GMPS: variants seen among roughly 807,000 people sequenced by gnomAD.
GMPS encodes GMP synthase [glutamine-hydrolyzing].
Under a neutral mutation model 77.9 loss-of-function variants are expected in GMPS, and 15 were observed. The observed-to-expected ratio is 0.19, with a 90% CI of 0.13 to 0.30. The LOEUF (loss-of-function observed/expected upper bound fraction) is 0.30, where lower values mean the gene tolerates loss of function less well. Among genes scored for constraint, GMPS ranks in the 10% least tolerant of loss-of-function variants. The pLI is 1.00. For synonymous variants in GMPS, 224 were observed against 275.9 expected, an observed-to-expected ratio of 0.81 and a Z score of 1.86; for missense variants, 590 against 838.8, an observed-to-expected ratio of 0.70 and a Z score of 3.66.
chr3:155,886,248 A>G (rs1406255836), intron 1 of GMPS, among the ~76,000 whole-genome samples: 2 of 151,952 alleles, frequency 1.3e-5, no homozygotes, highest in African/African-American at 4.8e-5. Flanking sequence ...CAGAATACAT[A>G]GAGAAATGGC....
At chr3:155,879,265 C>CTTTTTT (rs370727242) in intron 1 of GMPS, among the ~76,000 whole-genome samples, 8 of 122,614 alleles carry the variant, frequency 6.5e-5, no homozygotes, top group African/African-American at 9.0e-5. Flanking sequence ...CTGCACTTGT[C>CTTTTTT]TTTTTTTTTT....
In GMPS at chr3:155,939,241, G is replaced by C. The variant is rs1379629704; in HGVS notation, c.*1549G>C. 2 of 219,330 alleles carry C rather than the reference G, an allele frequency of 9.1e-6. No individual in the cohort carries two copies. The highest frequency in any genetic ancestry group is 9.1e-6 in the Non-Finnish European group (1 of 109,396). 13.6% of individuals were successfully genotyped at this position (219,330 alleles called of 1,614,324 possible). ...ACTCATTATGGCCTTCTGGAAAGAG[G>C]CTATGTTAGTGATCTGGTCTTTACA... On this transcript the variant is annotated 3_prime_UTR_variant, in exon 16 of 16. Coordinates refer to ENST00000496455, the MANE Select transcript of GMPS (RefSeq NM_003875.3).
intron 1 of GMPS, 32 bp from the exon 2 acceptor site, chr3:155,893,486 T>C: frequency 6.8e-7 from 1 of 1,465,440 alleles, no homozygotes; most frequent in Non-Finnish European, 9.3e-7. Flanking sequence ...ATTTTCATAA[T>C]TAAGACTTTG....
chr3:155,891,246 A>T (rs1460206013), intron 1 of GMPS, among the ~76,000 whole-genome samples: 1 of 152,224 alleles, frequency 6.6e-6, no homozygotes, highest in Non-Finnish European at 1.5e-5. Flanking sequence ...CAAGGCAGGA[A>T]CTCTGCCTGT....
At chr3:155,905,157 G>C (rs1487878160) in intron 4 of GMPS, among the ~76,000 whole-genome samples, 1 of 151,948 alleles carries the variant, frequency 6.6e-6, no homozygotes, top group Admixed American at 6.6e-5. Flanking sequence ...AAGTAAGTGG[G>C]ATTACAGGCA....
intron 1 of GMPS, among the ~76,000 whole-genome samples, chr3:155,884,187 A>G (rs1754275967): frequency 6.6e-6 from 1 of 151,554 alleles, no homozygotes; most frequent in Admixed American, 6.6e-5. Context: ...GGAGTTCAAG[A>G]CCAACCTGGC....
At chr3:155,932,307 C>T (rs978660928) in intron 13 of GMPS, among the ~76,000 whole-genome samples, 10 of 151,910 alleles carry the variant, frequency 6.6e-5, no homozygotes, top group African/African-American at 2.2e-4. Context: ...CACACACACA[C>T]ACACACACCC....
rs374919444 is a variant in GMPS, at chr3:155,930,906, C to T, written c.1561-859C>T. ...GCATGATCACTGCTCACGATAGCCT[C>T]GACCTCGTTGGGCTCAGGTGATCCT... On this transcript the variant is annotated intron_variant, in intron 12 of 15. Transcript: ENST00000496455. Among the ~76,000 whole-genome samples, 44 of 152,236 alleles carry T rather than the reference C, an allele frequency of 2.9e-4. No homozygotes were observed. In the East Asian group the frequency reaches 7.4e-3, roughly 25 times the overall value.
At chr3:155,923,027 TATAGAA>T (rs1216891748) in intron 11 of GMPS, among the ~76,000 whole-genome samples, 8 of 151,968 alleles carry the variant, frequency 5.3e-5, no homozygotes, top group African/African-American at 1.9e-4. Flanking sequence ...ACAAATCACA[TATAGAA>T]GTATGGCACC....
At chr3:155,879,503 G>C (rs956584705) in intron 1 of GMPS, among the ~76,000 whole-genome samples, 22 of 151,910 alleles carry the variant, frequency 1.4e-4, no homozygotes, top group Non-Finnish European at 2.4e-4. Context: ...CTGATCTCAG[G>C]TGATCTGCCT....
At position 155,937,581 on chromosome 3, in the gene GMPS, T is replaced by G; in HGVS notation, c.1981-10T>G. 1.7e-6 allele frequency: 2 copies of G among 1,188,838 alleles called. No homozygotes were observed. The highest frequency in any genetic ancestry group is 2.5e-6 in the Non-Finnish European group (2 of 795,154). The allele number at this position is 1,188,838 out of a possible 1,614,324, so 73.6% of individuals were successfully genotyped here. ...GGATGCTGACTTTTCTCTATAATTT[T>G]TTTTAATAGGTGGTATTAAAGATGG... is the stretch of plus-strand genomic sequence containing the variant. On this transcript the variant is annotated splice_polypyrimidine_tract_variant and intron_variant, in intron 15 of 15. Coordinates refer to ENST00000496455, the MANE Select transcript of GMPS (RefSeq NM_003875.3).
At chr3:155,890,866 A>G (rs1057365896) in intron 1 of GMPS, among the ~76,000 whole-genome samples, 2 of 152,106 alleles carry the variant, frequency 1.3e-5, no homozygotes, top group Admixed American at 6.6e-5. Flanking sequence ...CAGCATTATC[A>G]CTTTTCATTT....
At chr3:155,901,972 G>A (rs572810050) in intron 3 of GMPS, among the ~76,000 whole-genome samples, 1 of 151,962 alleles carries the variant, frequency 6.6e-6, no homozygotes, top group Admixed American at 6.6e-5. Flanking sequence ...ATTTTTATTG[G>A]GCAGAATTTC....
At chr3:155,930,161 GA>G (rs1486627648) in intron 12 of GMPS, among the ~76,000 whole-genome samples, 2 of 144,428 alleles carry the variant, frequency 1.4e-5, no homozygotes, top group African/African-American at 2.5e-5. Context: ...CCAAAACAGA[GA>G]TATAGATCAA....
intron 15 of GMPS, among the ~76,000 whole-genome samples, chr3:155,937,360 C>G (rs1254135110): frequency 6.6e-6 from 1 of 152,224 alleles, no homozygotes; most frequent in Non-Finnish European, 1.5e-5. Context: ...GTGGATCACA[C>G]TTTGAGTAGT....
At chr3:155,875,006 C>A (rs571709601) in intron 1 of GMPS, among the ~76,000 whole-genome samples, 68 of 142,488 alleles carry the variant, frequency 4.8e-4, no homozygotes, top group Admixed American at 1.9e-3. Context: ...CTCCCTGGTT[C>A]AAGTGATCCT....
chr3:155,894,061 A>G (rs910186413), intron 2 of GMPS, among the ~76,000 whole-genome samples: 4 of 152,218 alleles, frequency 2.6e-5, no homozygotes, highest in African/African-American at 9.6e-5. Context: ...TCTGTGTACA[A>G]TAAGTGTTTT....
At chr3:155,915,145 G>A (rs1465253409) in intron 8 of GMPS, among the ~76,000 whole-genome samples, 1 of 151,850 alleles carries the variant, frequency 6.6e-6, no homozygotes, top group Non-Finnish European at 1.5e-5. Context: ...TTTAAGAGTA[G>A]ATGTATTCAG....
chr3:155,887,430 A>G (rs1374798948), intron 1 of GMPS, among the ~76,000 whole-genome samples: 3 of 152,230 alleles, frequency 2.0e-5, no homozygotes, highest in Non-Finnish European at 2.9e-5. Flanking sequence ...ATGTTTATCT[A>G]GAATCTGATC....
Sources: gnomAD v4.1 joint callset for allele counts (sites outside exome capture counted in the v4.1 genomes callset) on GRCh38, gnomAD v4.1.1 for gene constraint, MANE v1.5 for transcripts, NCBI Gene and HGNC (gene_info 2026-07-23, HGNC 2026-07-21) for gene names.